The following FBXL13 variants were observed in gnomAD, a reference collection of about 807,000 sequenced individuals.
FBXL13 encodes F-box and leucine-rich repeat protein 13.
In FBXL13, 67 loss-of-function variants were observed where a neutral mutation model predicts 83.6. The observed-to-expected ratio is 0.80, with a 90% confidence interval of 0.66 to 0.98. FBXL13 has a LOEUF of 0.98. Among genes scored for constraint, FBXL13 ranks in the 50% least tolerant of loss-of-function variants. The pLI is 0.00. For synonymous variants in FBXL13, 272 were observed against 299.5 expected, an observed-to-expected ratio of 0.91 and a Z score of 0.95; for missense variants, 822 against 866.5, an observed-to-expected ratio of 0.95 and a Z score of 0.64.
At position 102,878,321 on chromosome 7, in the gene FBXL13, T is replaced by C. The variant is rs1250644519; in HGVS notation, c.1508+10A>G. 1.9e-6 allele frequency: 3 copies of C among 1,588,010 alleles called. No homozygotes were observed. The highest frequency in any genetic ancestry group is 2.6e-6 in the Non-Finnish European group (3 of 1,169,676). ...CTAATGATATGATGTAAAAGACTGT[T>C]TTATCATACCGCTCAGATAGTTTCA... On this transcript the variant is annotated intron_variant, in intron 15 of 19. Coordinates refer to ENST00000313221, the Ensembl canonical transcript of FBXL13.
At chr7:103,031,806 T>A (rs1426067354) in intron 2 of FBXL13, among the ~76,000 whole-genome samples, 1 of 152,236 alleles carries the variant, frequency 6.6e-6, no homozygotes, top group African/African-American at 2.4e-5. Flanking sequence ...TTCATAGTAT[T>A]AAGTTAGGGT....
intron 11 of FBXL13, among the ~76,000 whole-genome samples, chr7:102,908,574 A>G (rs1814133781): frequency 6.6e-6 from 1 of 152,238 alleles, no homozygotes; most frequent in Non-Finnish European, 1.5e-5. Flanking sequence ...AGATATTTGA[A>G]AGGACTTGAG....
At chr7:102,942,646 GA>G (rs1191627208) in intron 8 of FBXL13, among the ~76,000 whole-genome samples, 1 of 152,034 alleles carries the variant, frequency 6.6e-6, no homozygotes, top group Non-Finnish European at 1.5e-5. Context: ...TTAGCAAATA[GA>G]AAAAATCCAG....
exon 20 of FBXL13, chr7:102,813,318 G>A: frequency 6.4e-7 from 1 of 1,563,990 alleles, no homozygotes; most frequent in Non-Finnish European, 8.6e-7. Context: ...TTGATTTTTT[G>A]TTCTTCCTGC....
chr7:102,959,453 T>A (rs1169532853), intron 8 of FBXL13, among the ~76,000 whole-genome samples: 4 of 151,946 alleles, frequency 2.6e-5, no homozygotes, highest in Non-Finnish European at 5.9e-5. Context: ...TTGAAATTAT[T>A]TCAAAATAAA....
At chr7:102,973,240 G>A in intron 6 of FBXL13, 1 of 291,306 alleles carries the variant, frequency 3.4e-6, no homozygotes, top group Non-Finnish European at 6.5e-6. Context: ...CCGAAAGCTT[G>A]AAGGAATGAG....
chr7:102,865,940 C>T (rs1287574534), intron 16 of FBXL13, among the ~76,000 whole-genome samples: 4 of 152,112 alleles, frequency 2.6e-5, no homozygotes, highest in Admixed American at 6.5e-5. Flanking sequence ...TCAGCTTCCT[C>T]GGTAGCTGGA....
chr7:102,994,397 A>C (rs889435761), intron 6 of FBXL13, among the ~76,000 whole-genome samples: 13 of 149,920 alleles, frequency 8.7e-5, no homozygotes, highest in African/African-American at 2.7e-4. Context: ...ATATTAATAT[A>C]TATTCTATTT....
At chr7:102,813,626 G>A in intron 19 of FBXL13, 95 bp from the exon 21 acceptor site, 3 of 1,251,464 alleles carry the variant, frequency 2.4e-6, no homozygotes, top group Non-Finnish European at 3.4e-6. Context: ...GGAATTCACT[G>A]TCACAATCTG....
exon 12 of FBXL13, chr7:102,884,308 G>A: frequency 6.2e-7 from 1 of 1,612,392 alleles, no homozygotes; most frequent in Non-Finnish European, 8.5e-7. Flanking sequence ...GCCTTGGACT[G>A]AAATCTGAAT....
chr7:102,832,908 T>C (rs1800974707), exon 18 of FBXL13: 2 of 1,614,114 alleles, frequency 1.2e-6, no homozygotes, highest in Non-Finnish European at 1.7e-6. Flanking sequence ...TTGATAATCA[T>C]ATCTGACAGC....
At chr7:103,072,097 C>T (rs1171587593) in intron 1 of FBXL13, among the ~76,000 whole-genome samples, 4 of 151,844 alleles carry the variant, frequency 2.6e-5, no homozygotes, top group African/African-American at 7.3e-5. Flanking sequence ...GCAGGAGAAT[C>T]GCTTGAACCC....
intron 17 of FBXL13, among the ~76,000 whole-genome samples, chr7:102,839,299 T>C (rs946076996): frequency 3.9e-5 from 6 of 152,194 alleles, no homozygotes; most frequent in African/African-American, 1.4e-4. Flanking sequence ...ACCGCATTCC[T>C]CTTGCTGAGA....
chr7:103,007,268 A>G (rs1791085316), intron 6 of FBXL13, among the ~76,000 whole-genome samples: 2 of 152,136 alleles, frequency 1.3e-5, no homozygotes, highest in Admixed American at 1.3e-4. Flanking sequence ...GACAAGCATA[A>G]AGAAAATCAC....
chr7:102,950,499 T>C lies in FBXL13; in HGVS notation c.724+13034A>G, dbSNP rs570477645. ...CTCTTACCATATAATCCAGCAATCA[T>C]GTTCCTTGGTATCTACCCAAAGGAG... On this transcript the variant is annotated intron_variant, in intron 8 of 19. Transcript: ENST00000313221. Among the ~76,000 whole-genome samples, 560 of 152,354 alleles carry C rather than the reference T, an allele frequency of 3.7e-3. 6 individuals carry two copies. Among genetic ancestry groups the C allele is most frequent in the South Asian group, 0.022 (104 of 4,826 alleles).
At chr7:103,036,011 G>C (rs28589470) in intron 2 of FBXL13, among the ~76,000 whole-genome samples, 7 of 152,242 alleles carry the variant, frequency 4.6e-5, no homozygotes, top group African/African-American at 1.7e-4. Flanking sequence ...GTGGGCAAGC[G>C]AGCATTACCT....
At chr7:102,976,322 T>C (rs1211549631) in intron 6 of FBXL13, 4 of 634,374 alleles carry the variant, frequency 6.3e-6, no homozygotes, top group African/African-American at 1.8e-5. Context: ...CAAGTCTCTA[T>C]TGTGGAAATT....
chr7:102,917,330 T>C (rs1265273945), intron 10 of FBXL13, among the ~76,000 whole-genome samples: 1 of 152,176 alleles, frequency 6.6e-6, no homozygotes, highest in South Asian at 2.1e-4. Context: ...TAAAAAACAA[T>C]TGGATACTAC....
At chr7:102,893,823 G>A (rs1459078625) in intron 11 of FBXL13, among the ~76,000 whole-genome samples, 1 of 149,102 alleles carries the variant, frequency 6.7e-6, no homozygotes, top group Non-Finnish European at 1.5e-5. Context: ...TGGGGGAGGG[G>A]GAGAAGAAGG....
Sources: gnomAD v4.1 joint callset for allele counts (sites outside exome capture counted in the v4.1 genomes callset) on GRCh38, gnomAD v4.1.1 for gene constraint, MANE v1.5 for transcripts, NCBI Gene and HGNC (gene_info 2026-07-23, HGNC 2026-07-21) for gene names.